Variants in TMEM145 observed in about 807,000 individuals in gnomAD.
The protein encoded by TMEM145 is transmembrane protein 145.
TMEM145 carries 46 observed loss-of-function variants against 68.5 expected under a neutral mutation model. The observed-to-expected ratio is 0.67, with a 90% confidence interval of 0.53 to 0.86. The LOEUF is 0.86. Among genes scored for constraint, TMEM145 ranks in the 40% least tolerant of loss-of-function variants. The probability of loss-of-function intolerance (pLI) is 0.00; values close to 1 mark genes in which losing one functional copy is unlikely to be tolerated. For synonymous variants in TMEM145, 255 were observed against 280.2 expected (o/e 0.91, Z 0.90); for missense variants, 570 against 645.8 (o/e 0.88, Z 1.27).
At position 42,324,824 on chromosome 19, in the gene TMEM145, T is replaced by G. The variant is rs768633535; in HGVS notation, c.*7T>G. The G allele has an allele frequency of 6.4e-7, 1 of 1,557,340 alleles. No individual in the cohort carries two copies. Among genetic ancestry groups the G allele is most frequent in the South Asian group, 1.2e-5 (1 of 84,856 alleles). ...CCCCCTTCGAGACCTCTGACCCCGC[T>G]GGACTCCGGAACACCCGTGGTGACC... On this transcript the variant is annotated 3_prime_UTR_variant, in exon 15 of 15. Transcript: ENST00000301204.
chr19:42,320,194 T>C, intron 12 of TMEM145, 123 bp from the exon 13 acceptor site: 3 of 1,347,284 alleles, frequency 2.2e-6, no homozygotes, highest in Non-Finnish European at 1.0e-6. Flanking sequence ...AAGGTCACAC[T>C]GGCTTCCCTC....
chr19:42,314,949 C>G (rs751586971), intron 5 of TMEM145, 44 bp from the exon 6 acceptor site: 1 of 1,613,818 alleles, frequency 6.2e-7, no homozygotes, highest in South Asian at 1.1e-5. Flanking sequence ...CTGCCAACCC[C>G]CAACTTGCCC....
Position 42,323,691 on chromosome 19 carries a change from A to G in TMEM145, c.1303A>G (p.Lys435Glu), listed in dbSNP as rs1163021878. The G allele has an allele frequency of 3.8e-5, 61 of 1,614,030 alleles. 2 individuals are homozygous for G. The Admixed American group carries it at 1.0e-3, about 27-fold the overall frequency. ...PGPGGSQSADKAFPQHVYGNV... is the reference protein window; with the variant it reads ...PGPGGSQSADEAFPQHVYGNV... ...ACCCGGAGGGAGCCAATCCGCTGAC[A>G]AGGCCTTCCCGCAGCACGTCTATGG... Residue 435 changes from lysine to glutamate, a missense_variant, in exon 14 of 15, where the codon AAG becomes GAG. By Grantham distance (56) the Lys-to-Glu change is moderately conservative. Coordinates refer to ENST00000301204, the MANE Select transcript of TMEM145 (RefSeq NM_173633.3).
In TMEM145 at chr19:42,315,419, A is replaced by T; in HGVS notation, c.625A>T (p.Met209Leu). ...GCTCCACACAACTTATAAAATGTTCATGGCCGCAGCAGGAGTAGAGGGTGA... is the reference window on the plus strand; with the variant it reads ...GCTCCACACAACTTATAAAATGTTCTTGGCCGCAGCAGGAGTAGAGGGTGA... ...QLLHTTYKMF[M>L]AAAGVEVLSL... The change falls in exon 8 of 15, where the codon ATG becomes TTG. Residue 209 changes from methionine to leucine, a missense_variant. Met to Leu is a conservative substitution (Grantham distance 15). Coordinates refer to ENST00000301204, the MANE Select transcript of TMEM145 (RefSeq NM_173633.3). The T allele has an allele frequency of 6.2e-7, 1 of 1,614,142 alleles. No homozygotes were observed. The highest frequency in any genetic ancestry group is 8.5e-7 in the Non-Finnish European group (1 of 1,180,014).
intron 14 of TMEM145, 62 bp from the exon 15 acceptor site, chr19:42,324,674 CG>C: frequency 2.0e-6 from 1 of 500,956 alleles, no homozygotes; most frequent in Non-Finnish European, 2.8e-6. Context: ...CGCTGCGTCC[CG>C]CCCCCCTCCC....
intron 12 of TMEM145, among the ~76,000 whole-genome samples, chr19:42,318,314 A>ACCAAGATC (rs1352070284): frequency 2.8e-5 from 4 of 142,640 alleles, no homozygotes; most frequent in Non-Finnish European, 4.6e-5. Flanking sequence ...CTTGCAGTGA[A>ACCAAGATC]CCAAGATCGC....
chr19:42,315,847 T>C (rs2038851266), intron 8 of TMEM145, among the ~76,000 whole-genome samples: 1 of 151,962 alleles, frequency 6.6e-6, no homozygotes, highest in Admixed American at 6.5e-5. Flanking sequence ...CTGACCAACA[T>C]GGTGAAACCC....
Position 42,320,313 on chromosome 19 carries a change from T to G in TMEM145, c.1074-4T>G. On this transcript the variant is annotated splice_polypyrimidine_tract_variant and splice_region_variant and intron_variant, in intron 12 of 14. Transcript: ENST00000301204. ...TCTCTACTGACCCAATACTTCCCCT[T>G]CAGGTTCTTTGCGGTTCCTGTCATG... The G allele has an allele frequency of 6.2e-7, 1 of 1,613,874 alleles. No homozygotes were observed. The highest frequency in any genetic ancestry group is 8.5e-7 in the Non-Finnish European group (1 of 1,179,992).
Position 42,315,177 on chromosome 19 carries a change from C to G in TMEM145, c.506-11C>G, listed in dbSNP as rs2038843281. 7 of 1,611,878 alleles carry G rather than the reference C, an allele frequency of 4.3e-6. No homozygotes were observed. In the East Asian group the frequency reaches 1.3e-4, roughly 31 times the overall value. On this transcript the variant is annotated splice_polypyrimidine_tract_variant and intron_variant, in intron 6 of 14. Transcript: ENST00000301204. ...CCTGAATGAACCTTACTCCTCCTACCAAATCGGCAGGGATCCTGGAGACAG... is the reference window on the plus strand; with the variant it reads ...CCTGAATGAACCTTACTCCTCCTACGAAATCGGCAGGGATCCTGGAGACAG...
At chr19:42,322,847 C>T (rs1449937242) in intron 13 of TMEM145, among the ~76,000 whole-genome samples, 1 of 151,966 alleles carries the variant, frequency 6.6e-6, no homozygotes, top group South Asian at 2.1e-4. Flanking sequence ...GGATTACAGG[C>T]GCACCACCAC....
At position 42,314,988 on chromosome 19, in the gene TMEM145, C is replaced by A. The variant is rs368406776; in HGVS notation, c.421-5C>A. The stretch of plus-strand genomic sequence containing the variant: ...GCCCCCCTTAGGCCTCCCTACCCCC[C>A]ACAGGGTGATGGATTGCAGCTGGAG... On this transcript the variant is annotated splice_region_variant and splice_polypyrimidine_tract_variant and intron_variant, in intron 5 of 14. Transcript: ENST00000301204. 3.1e-6 allele frequency: 5 copies of A among 1,614,050 alleles called. No individual in the cohort carries two copies. Among genetic ancestry groups the A allele is most frequent in the African/African-American group, 1.3e-5 (1 of 74,928 alleles).
At chr19:42,317,674 G>T in intron 11 of TMEM145, 35 bp from the exon 12 acceptor site, 1 of 1,611,458 alleles carries the variant, frequency 6.2e-7, no homozygotes, top group Non-Finnish European at 8.5e-7. Context: ...AGGGGAGGAG[G>T]CCAGGCTGTG....
intron 14 of TMEM145, chr19:42,324,235 C>T: frequency 1.7e-5 from 17 of 983,102 alleles, no homozygotes; most frequent in Non-Finnish European, 2.1e-5. Flanking sequence ...GCATCTGCCC[C>T]CCGAGGGTCC....
chr19:42,324,288 A>G, intron 14 of TMEM145: 1 of 984,916 alleles, frequency 1.0e-6, no homozygotes, highest in Non-Finnish European at 1.2e-6. Context: ...GCCGGGAAGC[A>G]GGTGGAGGAG....
At position 42,313,918 on chromosome 19, in the gene TMEM145, A is replaced by G. The variant is rs2038827950; in HGVS notation, c.121-354A>G. On this transcript the variant is annotated intron_variant, in intron 1 of 14. Transcript: ENST00000301204. This position sits in a 1 kb window ranked among gnomAD's most constrained non-coding sequence, Gnocchi z 5.1. Reference sequence around the variant, plus strand: ...TCTTTGGGAGCACGGGGTGGGGTGCAGGGGAGTGTGGATATTGGGGGAACG... The same window carrying G: ...TCTTTGGGAGCACGGGGTGGGGTGCGGGGGAGTGTGGATATTGGGGGAACG... Among the ~76,000 whole-genome samples the G allele has an allele frequency of 6.6e-6, 1 of 151,892 alleles. No homozygotes were observed. Among genetic ancestry groups the G allele is most frequent in the African/African-American group, 2.4e-5 (1 of 41,356 alleles).
At position 42,313,362 on chromosome 19, in the gene TMEM145, G is replaced by A; in HGVS notation, c.-15G>A. 2 of 1,067,860 alleles carry A rather than the reference G, an allele frequency of 1.9e-6. No individual in the cohort carries two copies. Among genetic ancestry groups the A allele is most frequent in the Non-Finnish European group, 2.4e-6 (2 of 822,264 alleles). The allele number at this position is 1,067,860 out of a possible 1,614,324, so 66.1% of individuals were successfully genotyped here. On this transcript the variant is annotated 5_prime_UTR_variant, in exon 1 of 15. Transcript: ENST00000301204. This position sits in a 1 kb window ranked among gnomAD's most constrained non-coding sequence, Gnocchi z 5.1. ...GTGCGGGAGCCGGAGCGGAGCCGGG[G>A]CCGGAGCGGGCGGAATGGAGCCCCT...
rs200732601 is a variant in TMEM145 at position 42,314,780 on chromosome 19, G to A, written c.361-12G>A. 61 of 1,614,204 alleles carry A rather than the reference G, an allele frequency of 3.8e-5. No homozygotes were observed. The highest frequency in any genetic ancestry group is 4.5e-5 in the Non-Finnish European group (53 of 1,180,026). On this transcript the variant is annotated splice_polypyrimidine_tract_variant and intron_variant, in intron 4 of 14. Coordinates refer to ENST00000301204, the MANE Select transcript of TMEM145 (RefSeq NM_173633.3). ...ATCAAGGACAGGCTTCAGCCTTCTCGTTTGTCCCCAGGTGGTATCAGAGGA... is the reference window on the plus strand; with the variant it reads ...ATCAAGGACAGGCTTCAGCCTTCTCATTTGTCCCCAGGTGGTATCAGAGGA...
intron 14 of TMEM145, chr19:42,324,368 C>G (rs1462394814): frequency 2.0e-6 from 2 of 985,392 alleles, no homozygotes; most frequent in East Asian, 1.1e-4. Context: ...CGCAGCCTCC[C>G]CCCCACTTCC....
intron 12 of TMEM145, among the ~76,000 whole-genome samples, chr19:42,319,498 G>A (rs1288661952): frequency 6.6e-6 from 1 of 152,188 alleles, no homozygotes; most frequent in African/African-American, 2.4e-5. Flanking sequence ...CCAGGCTGGA[G>A]TGCAGTGGCA....
Sources: allele counts gnomAD v4.1 joint callset (sites outside exome capture counted in the v4.1 genomes callset), GRCh38; gene constraint gnomAD v4.1.1; non-coding constraint Gnocchi (gnomAD v3.1); transcripts MANE v1.5; gene names NCBI Gene and HGNC (gene_info 2026-07-23, HGNC 2026-07-21).